TMEM169: variants seen among roughly 807,000 people sequenced by gnomAD.
The protein encoded by TMEM169 is transmembrane protein 169.
Under a neutral mutation model 27.3 loss-of-function variants are expected in TMEM169, and 18 were observed. The ratio of observed to expected loss-of-function variants is 0.66; its 90% CI spans 0.46 to 0.98. The LOEUF (loss-of-function observed/expected upper bound fraction) is 0.98. Ranked by LOEUF, TMEM169 falls within the 50% of genes least tolerant of loss-of-function variation. The probability of loss-of-function intolerance (pLI) is 0.00; values close to 1 mark genes in which losing one functional copy is unlikely to be tolerated. For missense variants in TMEM169, 320 were observed against 368.6 expected (o/e 0.87, Z 1.08); for synonymous variants, 136 against 142.1 (o/e 0.96, Z 0.30).
At chr2:216,083,462 C>T (rs1487539991) in intron 1 of TMEM169, among the ~76,000 whole-genome samples, 4 of 152,076 alleles carry the variant, frequency 2.6e-5, no homozygotes, top group African/African-American at 9.7e-5. Context: ...ACTTTAAATT[C>T]TTTTAAATGA....
At position 216,100,172 on chromosome 2, in the gene TMEM169, C is replaced by G. The variant is rs1559230159; in HGVS notation, c.524C>G (p.Ser175Cys). 6.2e-7 allele frequency: 1 copy of G among 1,614,058 alleles called. No homozygotes were observed. Among genetic ancestry groups the G allele is most frequent in the Non-Finnish European group, 8.5e-7 (1 of 1,180,024 alleles). The change falls in exon 3 of 3, where the codon TCT becomes TGT. Residue 175 changes from serine (S) to cysteine (C), a missense_variant. Transcript: ENST00000437356. ...TGCCTGCCTGTGGTTTTCATCCTTT[C>G]TTTTGTTGTCTCTTTCTACTACGGC... ...LICLPVVFIL[S>C]FVVSFYYGTI...
In TMEM169 at chr2:216,101,902, C is replaced by T. The variant is rs965517814; in HGVS notation, c.*1360C>T. On this transcript the variant is annotated 3_prime_UTR_variant, in exon 3 of 3. Coordinates refer to ENST00000437356, the MANE Select transcript of TMEM169 (RefSeq NM_001142311.2). ...TTGTTTATTCATTTATTTATTTAGG[C>T]CTGAATCTTACACAGAGAATTTATA... 27 of 151,822 alleles carry T rather than the reference C, an allele frequency of 1.8e-4. No homozygotes were observed. Among genetic ancestry groups the T allele is most frequent in the African/African-American group, 6.3e-4 (26 of 41,298 alleles). 9.4% of individuals were successfully genotyped at this position (151,822 alleles called of 1,614,324 possible).
Position 216,102,478 on chromosome 2 carries a change from C to T in TMEM169, c.*1936C>T, listed in dbSNP as rs940885844. Reference sequence around the variant, plus strand: ...GGTCCTTATAAGAATAGCTGGTGCTCTTTTCTTGTTCATGTCTCAAAACAA... The same window carrying T: ...GGTCCTTATAAGAATAGCTGGTGCTTTTTTCTTGTTCATGTCTCAAAACAA... On this transcript the variant is annotated 3_prime_UTR_variant, in exon 3 of 3. Coordinates refer to ENST00000437356, the MANE Select transcript of TMEM169 (RefSeq NM_001142311.2). 1 of 152,452 alleles carries T rather than the reference C, an allele frequency of 6.6e-6. No individual in the cohort carries two copies. The highest frequency in any genetic ancestry group is 2.1e-4 in the South Asian group (1 of 4,818). 9.4% of individuals were successfully genotyped at this position (152,452 alleles called of 1,614,324 possible). A position where few individuals can be genotyped will look rare whatever the true frequency, so the allele number is the denominator to read the frequency against.
At chr2:216,086,524 A>G (rs17548312) in intron 1 of TMEM169, among the ~76,000 whole-genome samples, 31,065 of 152,172 alleles carry the variant, frequency 0.2, 3,251 homozygotes, top group South Asian at 0.26. Context: ...TCTAAAAGGA[A>G]GGAGAAATGT....
intron 1 of TMEM169, among the ~76,000 whole-genome samples, chr2:216,083,886 A>G (rs774012452): frequency 6.6e-6 from 1 of 152,194 alleles, no homozygotes; most frequent in Admixed American, 6.5e-5. Flanking sequence ...TTCCAGGCCA[A>G]AAGGCCTGGA....
chr2:216,100,031 A>G lies in TMEM169; in HGVS notation c.383A>G (p.Glu128Gly), dbSNP rs1219529909. The stretch of plus-strand genomic sequence containing the variant: ...ATCCATGTCACATTGACAGAGAAAG[A>G]GCTGCAGGAACTGACCAAACCTAAA... ...VDIHVTLTEK[E>G]LQELTKPKES... Residue 128 changes from glutamate to glycine, a missense_variant, in exon 3 of 3, where the codon GAG becomes GGG. Transcript: ENST00000437356. 6.2e-7 allele frequency: 1 copy of G among 1,614,164 alleles called. No homozygotes were observed. The highest frequency in any genetic ancestry group is 1.3e-5 in the African/African-American group (1 of 75,046).
At position 216,099,416 on chromosome 2, in the gene TMEM169, T is replaced by C. The variant is rs1447722292; in HGVS notation, c.272-504T>C. Among the ~76,000 whole-genome samples the C allele has an allele frequency of 6.6e-6, 1 of 151,782 alleles. No individual in the cohort carries two copies. The highest frequency in any genetic ancestry group is 1.5e-5 in the Non-Finnish European group (1 of 67,906). On this transcript the variant is annotated intron_variant, in intron 2 of 2. Transcript: ENST00000437356. The surrounding 1 kb of genome is among the most constrained non-coding windows in gnomAD (Gnocchi z 5.0). ...ATGTGTATGGTATATGTGGGATGCA[T>C]GTGTGTATGCGTGCAGCCCCTGGAT...
intron 1 of TMEM169, among the ~76,000 whole-genome samples, chr2:216,089,614 G>A (rs998313045): frequency 2.6e-5 from 4 of 152,202 alleles, no homozygotes; most frequent in East Asian, 1.9e-4. Context: ...GCACAACCAC[G>A]CCAAGCTACT....
chr2:216,087,747 G>A (rs12475225), intron 1 of TMEM169, among the ~76,000 whole-genome samples: 12,211 of 152,198 alleles, frequency 0.08, 1,627 homozygotes, highest in African/African-American at 0.28. Context: ...TGAACAATAC[G>A]ATTATTGTAA....
At chr2:216,091,879 A>G (rs1361171694) in intron 1 of TMEM169, among the ~76,000 whole-genome samples, 2 of 152,132 alleles carry the variant, frequency 1.3e-5, no homozygotes, top group East Asian at 3.9e-4. Flanking sequence ...ATCTTTTCCT[A>G]AGTTTGTGGG....
intron 2 of TMEM169, 132 bp downstream of exon 2, chr2:216,096,366 T>TTTTA: frequency 9.2e-7 from 1 of 1,090,524 alleles, no homozygotes; most frequent in East Asian, 2.5e-5. Context: ...TATTACCACC[T>TTTTA]TTTATTTATT....
Position 216,096,148 on chromosome 2 carries a change from C to A in TMEM169, c.185C>A (p.Thr62Lys). ...ATCTACCGCTCAGACAATGAGAAAA[C>A]AGATGAGGAGCCCGGAGAATCAGAA... ...IIIYRSDNEK[T>K]DEEPGESEGG... The change falls in exon 2 of 3, where the codon ACA becomes AAA. Residue 62 changes from threonine to lysine, a missense_variant. Transcript: ENST00000437356. 2 of 1,614,140 alleles carry A rather than the reference C, an allele frequency of 1.2e-6. No individual in the cohort carries two copies. The highest frequency in any genetic ancestry group is 1.7e-6 in the Non-Finnish European group (2 of 1,180,030).
At position 216,100,292 on chromosome 2, in the gene TMEM169, C is replaced by A. The variant is rs773955265; in HGVS notation, c.644C>A (p.Pro215Gln). ...TGCCCTTGCCTCGTTCTCTTCTATC[C>A]AGTGCTCATCATGGCCATGGCTTCT... Reference protein sequence around the residue: ...SYCPCLVLFYPVLIMAMASSL... With the variant: ...SYCPCLVLFYQVLIMAMASSL... Residue 215 changes from proline (P) to glutamine (Q), a missense_variant, in exon 3 of 3, where the codon CCA (proline) becomes CAA (glutamine). By Grantham distance (76) the Pro-to-Gln change is moderately conservative. Transcript: ENST00000437356. The A allele has an allele frequency of 6.2e-7, 1 of 1,613,864 alleles. No individual in the cohort carries two copies. The highest frequency in any genetic ancestry group is 2.2e-5 in the East Asian group (1 of 44,872).
intron 1 of TMEM169, among the ~76,000 whole-genome samples, chr2:216,091,325 G>A (rs1244529709): frequency 6.6e-6 from 1 of 152,128 alleles, no homozygotes; most frequent in East Asian, 1.9e-4. Flanking sequence ...CCAGCACTTT[G>A]GAAGGCCAAG....
rs770152087 is a variant in TMEM169, at chr2:216,100,438, G to A, written c.790G>A (p.Asp264Asn). The A allele has an allele frequency of 1.5e-5, 25 of 1,613,828 alleles. No individual in the cohort carries two copies. Among genetic ancestry groups the A allele is most frequent in the Non-Finnish European group, 2.1e-5 (25 of 1,179,996 alleles). Reference sequence around the variant, plus strand: ...GCTCTGCAGCAAGCTGGGTCTGGAGGACTGTTCTCCCTACAGCATTGTGGA... The same window carrying A: ...GCTCTGCAGCAAGCTGGGTCTGGAGAACTGTTCTCCCTACAGCATTGTGGA... Reference protein sequence around the residue: ...GWLCSKLGLEDCSPYSIVELL... With the variant: ...GWLCSKLGLENCSPYSIVELL... Residue 264 changes from aspartate (D) to asparagine (N), a missense_variant, in exon 3 of 3, where the codon GAC becomes AAC. Physicochemically the swap from Asp to Asn is conservative, Grantham distance 23. Transcript: ENST00000437356.
Position 216,081,996 on chromosome 2 carries a change from G to T in TMEM169, c.-127+17G>T. 3 of 454,116 alleles carry T rather than the reference G, an allele frequency of 6.6e-6. No homozygotes were observed. The highest frequency in any genetic ancestry group is 4.2e-5 in the Admixed American group (1 of 23,596). 28.1% of individuals were successfully genotyped at this position (454,116 alleles called of 1,614,324 possible). A position where few individuals can be genotyped will look rare whatever the true frequency, so the allele number is the denominator to read the frequency against. ...CAGGTGTGGGTGAGACTGCTCGTTC[G>T]TTTCTTTAAATTTCGATGCCATTGG... On this transcript the variant is annotated intron_variant, in intron 1 of 2. Coordinates refer to ENST00000437356, the MANE Select transcript of TMEM169 (RefSeq NM_001142311.2).
In TMEM169 at chr2:216,102,628, T is replaced by C. The variant is rs1696420850; in HGVS notation, c.*2086T>C. ...CACCTTCAGAGGAACTCTCTCTTTT[T>C]TTTTTTTTTAAATAACTATTATTAG... On this transcript the variant is annotated 3_prime_UTR_variant, in exon 3 of 3. Transcript: ENST00000437356. 1 of 152,056 alleles carries C rather than the reference T, an allele frequency of 6.6e-6. No homozygotes were observed. Among genetic ancestry groups the C allele is most frequent in the African/African-American group, 2.4e-5 (1 of 41,028 alleles). 9.4% of individuals were successfully genotyped at this position (152,056 alleles called of 1,614,324 possible).
intron 1 of TMEM169, among the ~76,000 whole-genome samples, chr2:216,084,283 A>G (rs912425834): frequency 1.3e-5 from 2 of 151,826 alleles, no homozygotes; most frequent in East Asian, 3.9e-4. Flanking sequence ...CCAGAATCTC[A>G]GTGCTGAGAG....
chr2:216,095,437 T>C (rs1228631641), intron 1 of TMEM169, among the ~76,000 whole-genome samples: 2 of 152,110 alleles, frequency 1.3e-5, no homozygotes, highest in East Asian at 3.9e-4. Flanking sequence ...CTCACCCAAC[T>C]TCCTTATACT....
Sources: gnomAD v4.1 joint callset for allele counts (sites outside exome capture counted in the v4.1 genomes callset) on GRCh38, gnomAD v4.1.1 for gene constraint, Gnocchi (gnomAD v3.1) non-coding constraint, MANE v1.5 for transcripts, NCBI Gene and HGNC (gene_info 2026-07-23, HGNC 2026-07-21) for gene names.